The following FTO variants were observed in gnomAD, a reference collection of about 807,000 sequenced individuals.
FTO encodes the protein FTO alpha-ketoglutarate dependent dioxygenase.
A neutral mutation model predicts 63.9 loss-of-function variants in FTO; 47 were observed. The observed-to-expected ratio is 0.74, with a 90% CI of 0.58 to 0.94. The LOEUF is 0.94. FTO is among the 40% of genes least tolerant of loss of function. FTO has a pLI of 0.00. For missense variants in FTO, 562 were observed against 618.1 expected, an observed-to-expected ratio of 0.91 and a Z score of 0.96; for synonymous variants, 207 against 224.4, an observed-to-expected ratio of 0.92 and a Z score of 0.69.
intron 8 of FTO, among the ~76,000 whole-genome samples, chr16:54,002,429 T>G (rs1365374411): frequency 6.6e-6 from 1 of 152,246 alleles, no homozygotes; most frequent in Admixed American, 6.5e-5. Context: ...CATGCTTGGC[T>G]TATTGTACGA....
At chr16:53,839,023 T>C (rs1179276325) in intron 3 of FTO, among the ~76,000 whole-genome samples, 2 of 152,230 alleles carry the variant, frequency 1.3e-5, no homozygotes, top group African/African-American at 4.8e-5. Flanking sequence ...TGTCTTTGTT[T>C]CCTGTAGAGC....
At chr16:53,908,777 A>G (rs1435202195) in intron 7 of FTO, among the ~76,000 whole-genome samples, 2 of 152,188 alleles carry the variant, frequency 1.3e-5, no homozygotes, top group African/African-American at 2.4e-5. Flanking sequence ...GGCCCAGGGT[A>G]GATCCCCCTT....
intron 3 of FTO, among the ~76,000 whole-genome samples, chr16:53,828,543 C>T (rs1183194533): frequency 6.6e-6 from 1 of 152,168 alleles, no homozygotes; most frequent in Non-Finnish European, 1.5e-5. Context: ...TCTCAGAACT[C>T]CATCTAATAA....
intron 8 of FTO, among the ~76,000 whole-genome samples, chr16:53,938,362 C>T (rs762844200): frequency 9.2e-5 from 14 of 152,148 alleles, no homozygotes; most frequent in South Asian, 6.2e-4. Flanking sequence ...ATACGCTATT[C>T]GTCTATTTAT....
chr16:54,081,595 C>T (rs1294894524), intron 8 of FTO, among the ~76,000 whole-genome samples: 1 of 152,000 alleles, frequency 6.6e-6, no homozygotes, highest in Non-Finnish European at 1.5e-5. Context: ...GATTTGAAGC[C>T]AAAATAACAA....
intron 1 of FTO, among the ~76,000 whole-genome samples, chr16:53,762,806 A>C: frequency 6.6e-6 from 1 of 152,208 alleles, no homozygotes. Context: ...CCTTACTAAG[A>C]GTCAAGTTTT....
chr16:54,083,895 C>T (rs1315279984), intron 8 of FTO, among the ~76,000 whole-genome samples: 1 of 152,158 alleles, frequency 6.6e-6, no homozygotes, highest in African/African-American at 2.4e-5. Context: ...CTTTTGGAGC[C>T]TGGCAGGCCT....
At chr16:53,972,663 G>C (rs767711398) in intron 8 of FTO, among the ~76,000 whole-genome samples, 3 of 152,198 alleles carry the variant, frequency 2.0e-5, no homozygotes, top group Admixed American at 6.5e-5. Flanking sequence ...TCAAATGTTG[G>C]TGGATAAAGC....
intron 8 of FTO, chr16:54,034,066 G>A (rs755366288): frequency 7.2e-5 from 11 of 152,078 alleles, no homozygotes; most frequent in South Asian, 2.1e-4. Context: ...CTGTCACTTC[G>A]GGAAAGTGTA....
chr16:53,986,749 T>C (rs1201542879), intron 8 of FTO, among the ~76,000 whole-genome samples: 1 of 152,228 alleles, frequency 6.6e-6, no homozygotes, highest in Non-Finnish European at 1.5e-5. Flanking sequence ...TGGATTTTCT[T>C]CCATGCGTCT....
chr16:53,890,118 G>A (rs916744465), intron 7 of FTO, among the ~76,000 whole-genome samples: 3 of 152,140 alleles, frequency 2.0e-5, no homozygotes, highest in Non-Finnish European at 4.4e-5. Flanking sequence ...ATTGGATTTG[G>A]AATGTAGTAG....
chr16:54,078,173 G>A (rs1669606490), intron 8 of FTO, among the ~76,000 whole-genome samples: 1 of 151,644 alleles, frequency 6.6e-6, no homozygotes, highest in African/African-American at 2.4e-5. Context: ...AGTGTTCAAA[G>A]TTACATCTAA....
chr16:54,063,022 T>C (rs1029116904), intron 8 of FTO, among the ~76,000 whole-genome samples: 7 of 152,264 alleles, frequency 4.6e-5, no homozygotes, highest in Non-Finnish European at 8.8e-5. Context: ...TTCAGAGCCT[T>C]GTTTCCGAGA....
intron 8 of FTO, among the ~76,000 whole-genome samples, chr16:54,079,242 T>C (rs555222454): frequency 6.6e-6 from 1 of 152,098 alleles, no homozygotes; most frequent in African/African-American, 2.4e-5. Context: ...ATCTAGTGAG[T>C]TCAGTGCCTG....
chr16:54,073,186 C>G (rs2085908843), intron 8 of FTO, among the ~76,000 whole-genome samples: 1 of 152,110 alleles, frequency 6.6e-6, no homozygotes, highest in Non-Finnish European at 1.5e-5. Context: ...GCCTCCCCAT[C>G]CATCAAGTAG....
chr16:53,984,904 G>C (rs774243955), intron 8 of FTO: 2 of 455,248 alleles, frequency 4.4e-6, no homozygotes, highest in Non-Finnish European at 4.4e-6. Context: ...TTCAGGACAC[G>C]GAGTAAAATG....
At chr16:54,056,318 C>A (rs1386147019) in intron 8 of FTO, among the ~76,000 whole-genome samples, 1 of 152,158 alleles carries the variant, frequency 6.6e-6, no homozygotes, top group Non-Finnish European at 1.5e-5. Context: ...GGGTCATATA[C>A]CTTGCTTCCC....
intron 1 of FTO, among the ~76,000 whole-genome samples, chr16:53,712,264 A>G (rs1325960573): frequency 6.6e-6 from 1 of 152,132 alleles, no homozygotes; most frequent in Non-Finnish European, 1.5e-5. Context: ...TCACCAGTTT[A>G]TCTAAAGTGG....
intron 7 of FTO, 113 bp from the exon 8 acceptor site, chr16:53,933,872 C>A (rs2143257114): frequency 9.8e-7 from 1 of 1,025,308 alleles, no homozygotes. Context: ...GATTTGTTAG[C>A]AGGGGAACTG....
Sources: gnomAD v4.1 joint callset for allele counts (sites outside exome capture counted in the v4.1 genomes callset) on GRCh38, gnomAD v4.1.1 for gene constraint, MANE v1.5 for transcripts, NCBI Gene and HGNC (gene_info 2026-07-23, HGNC 2026-07-21) for gene names.